NFATC1: variants seen among roughly 807,000 people sequenced by gnomAD.
NFATC1 encodes nuclear factor of activated T-cells, cytoplasmic 1.
A neutral mutation model predicts 76.0 loss-of-function variants in NFATC1; 22 were observed. The observed-to-expected ratio is 0.29, with a 90% CI of 0.21 to 0.41. NFATC1 has a LOEUF of 0.41. NFATC1 is among the 10% of genes least tolerant of loss of function. NFATC1 has a pLI of 1.00. For synonymous variants in NFATC1, 704 were observed against 613.1 expected (o/e 1.15, Z -2.19); for missense variants, 1,357 against 1,337.7 (o/e 1.01, Z -0.23).
intron 8 of NFATC1, among the ~76,000 whole-genome samples, chr18:79,485,600 C>T (rs1026815051): frequency 6.6e-6 from 1 of 152,220 alleles, no homozygotes; most frequent in African/African-American, 2.4e-5. Flanking sequence ...CCCCAAAGCC[C>T]CGGACTTTTA....
chr18:79,496,146 C>G (rs189186442), intron 9 of NFATC1: 1 of 152,806 alleles, frequency 6.5e-6, no homozygotes, highest in Admixed American at 6.5e-5. Flanking sequence ...TCAAACTTTA[C>G]AGAAACATTT....
At chr18:79,516,833 TC>T (rs1739489451) in intron 9 of NFATC1, among the ~76,000 whole-genome samples, 1 of 152,246 alleles carries the variant, frequency 6.6e-6, no homozygotes, top group Non-Finnish European at 1.5e-5. Flanking sequence ...TTTTCTGATC[TC>T]TAATTTGTGG....
chr18:79,484,357 G>A lies in NFATC1; in HGVS notation c.2093-1891G>A, dbSNP rs554937598. Among the ~76,000 whole-genome samples the A allele has an allele frequency of 5.3e-5, 8 of 152,178 alleles. No homozygotes were observed. In the East Asian group the frequency reaches 1.5e-3, roughly 29 times the overall value. ...GTCAGTGAGCTGCAGGCTGCGTCCT[G>A]GGAAGGCCTTGGAATCACAATGGCC... On this transcript the variant is annotated intron_variant, in intron 8 of 9. Transcript: ENST00000427363.
At chr18:79,480,798 G>T (rs1282766002) in intron 8 of NFATC1, among the ~76,000 whole-genome samples, 6 of 152,236 alleles carry the variant, frequency 3.9e-5, no homozygotes, top group Non-Finnish European at 8.8e-5. Flanking sequence ...GTGGGTGAGA[G>T]TTTTTAAAGC....
chr18:79,415,935 G>A (rs1453435329), intron 2 of NFATC1, among the ~76,000 whole-genome samples: 1 of 152,098 alleles, frequency 6.6e-6, no homozygotes, highest in Non-Finnish European at 1.5e-5. Context: ...GGTGGCGGGC[G>A]CCTGTAATCC....
intron 9 of NFATC1, among the ~76,000 whole-genome samples, chr18:79,492,113 C>G (rs1436379755): frequency 5.9e-5 from 9 of 152,144 alleles, no homozygotes; most frequent in Non-Finnish European, 1.0e-4. Context: ...AGAATAGTGT[C>G]CAGTTGCAGA....
intron 8 of NFATC1, among the ~76,000 whole-genome samples, chr18:79,481,946 C>T (rs1344725051): frequency 4.4e-5 from 5 of 114,452 alleles, no homozygotes; most frequent in Admixed American, 9.3e-5. Context: ...TGGGGTGTCA[C>T]TCCAGCATGA....
At chr18:79,498,847 G>A (rs770276112) in intron 9 of NFATC1, among the ~76,000 whole-genome samples, 52 of 152,306 alleles carry the variant, frequency 3.4e-4, no homozygotes, top group South Asian at 4.1e-4. Flanking sequence ...CGTGGATGTC[G>A]GAGGACAGTG....
intron 3 of NFATC1, among the ~76,000 whole-genome samples, chr18:79,446,980 A>C (rs890987565): frequency 6.6e-6 from 1 of 152,212 alleles, no homozygotes; most frequent in African/African-American, 2.4e-5. Context: ...GCGGCGTCCC[A>C]GTCCCTGCCC....
At chr18:79,471,901 G>A (rs982535410) in intron 8 of NFATC1, among the ~76,000 whole-genome samples, 31 of 152,218 alleles carry the variant, frequency 2.0e-4, no homozygotes, top group African/African-American at 6.3e-4. Flanking sequence ...GGGAAGACGC[G>A]CTTCCCTCCC....
chr18:79,485,747 T>G (rs1027112052), intron 8 of NFATC1, among the ~76,000 whole-genome samples: 2 of 152,232 alleles, frequency 1.3e-5, no homozygotes, highest in African/African-American at 4.8e-5. Flanking sequence ...CCAGCCTCCA[T>G]GACAGTGTTT....
chr18:79,420,054 C>T (rs541610807), intron 2 of NFATC1, among the ~76,000 whole-genome samples: 10 of 152,334 alleles, frequency 6.6e-5, no homozygotes, highest in East Asian at 3.9e-4. Context: ...AAGGCCACAC[C>T]GGACGCCGTG....
intron 9 of NFATC1, 108 bp from the exon 10 acceptor site, chr18:79,527,420 T>A: frequency 1.2e-6 from 1 of 864,352 alleles, no homozygotes; most frequent in Non-Finnish European, 1.9e-6. Context: ...CCTGGGGAGA[T>A]GCCTTGTCAC....
rs1231121986 is a variant in NFATC1, at chr18:79,486,457, C to T, written c.2302C>T (p.Leu768Phe). 3 of 1,610,896 alleles carry T rather than the reference C, an allele frequency of 1.9e-6. No individual in the cohort carries two copies. The highest frequency in any genetic ancestry group is 2.5e-6 in the Non-Finnish European group (3 of 1,179,854). ...AGCGGCCCCTGGCGTGAGCCCCAAG[C>T]TCCACGACCTTTCTCCCGCTGCCTA... ...MPAAPGVSPK[L>F]HDLSPAAYTK... The change falls in exon 9 of 10, where the codon CTC (leucine) becomes TTC (phenylalanine). Residue 768 changes from leucine to phenylalanine, a missense_variant. Coordinates refer to ENST00000427363, the MANE Select transcript of NFATC1 (RefSeq NM_001278669.2).
chr18:79,442,088 G>A (rs1037480037), intron 3 of NFATC1, among the ~76,000 whole-genome samples: 5 of 152,192 alleles, frequency 3.3e-5, no homozygotes, highest in Admixed American at 6.5e-5. Flanking sequence ...TGGGAAGCGC[G>A]CTGGTGGGGC....
At chr18:79,400,126 C>A in intron 1 of NFATC1, 1 of 804,784 alleles carries the variant, frequency 1.2e-6, no homozygotes, top group Non-Finnish European at 1.5e-6. Context: ...CCCCTGCGGT[C>A]GCGCGCGCGC....
intron 6 of NFATC1, chr18:79,452,209 TC>T (rs201622920): frequency 0.021 from 3,367 of 158,744 alleles, 116 homozygotes; most frequent in African/African-American, 0.076. Context: ...GGAGCTCCCC[TC>T]CGGGGCCTTC....
rs765251389 is a variant in NFATC1, at chr18:79,486,899, G to A, written c.2744G>A (p.Arg915Gln). 2.0e-5 allele frequency: 32 copies of A among 1,608,214 alleles called. No homozygotes were observed. The highest frequency in any genetic ancestry group is 2.6e-5 in the Non-Finnish European group (31 of 1,177,576). Residue 915 changes from arginine (R) to glutamine (Q), a missense_variant, in exon 9 of 10, where the codon CGA (arginine) becomes CAA (glutamine). By Grantham distance (43) the Arg-to-Gln change is conservative (BLOSUM62 1). This residue lies in a region of NFATC1 where 424 missense variants were observed against 395.4 expected (regional missense o/e 1.07). Transcript: ENST00000427363. ...GCCCCTATTCCTGTAACGGTCAAGCGAGAGCCTGAAGAGTTGGACCAGTTG... is the reference window on the plus strand; with the variant it reads ...GCCCCTATTCCTGTAACGGTCAAGCAAGAGCCTGAAGAGTTGGACCAGTTG... Reference protein sequence around the residue: ...NLAPIPVTVKREPEELDQLYL... With the variant: ...NLAPIPVTVKQEPEELDQLYL...
At chr18:79,489,280 G>A (rs2089609200) in intron 9 of NFATC1, among the ~76,000 whole-genome samples, 1 of 152,218 alleles carries the variant, frequency 6.6e-6, no homozygotes. Context: ...CGTGGACATG[G>A]AGGGGATGGG....
Sources: gnomAD v4.1 joint callset for allele counts (sites outside exome capture counted in the v4.1 genomes callset) on GRCh38, gnomAD v4.1.1 for gene constraint, gnomAD v4.1.1 regional missense constraint, MANE v1.5 for transcripts, NCBI Gene and HGNC (gene_info 2026-07-23, HGNC 2026-07-21) for gene names.